SUN1: variants seen among roughly 807,000 people sequenced by gnomAD.
The protein encoded by SUN1 is SUN domain-containing protein 1.
In SUN1, 61 loss-of-function variants were observed where a neutral mutation model predicts 103.2. The ratio of observed to expected loss-of-function variants is 0.59; its 90% CI spans 0.48 to 0.73. The LOEUF is 0.73. Ranked by LOEUF, SUN1 falls within the 30% of genes least tolerant of loss-of-function variation. The probability of loss-of-function intolerance (pLI) is 0.00; values close to 1 mark genes in which losing one functional copy is unlikely to be tolerated. For synonymous variants in SUN1, 490 were observed against 425.7 expected (o/e 1.15, Z -1.86); for missense variants, 1,052 against 1,034.6 (o/e 1.02, Z -0.23).
At position 865,993 on chromosome 7, in the gene SUN1, A is replaced by G. The variant is rs201361158; in HGVS notation, c.1906A>G (p.Thr636Ala). 6.2e-7 allele frequency: 1 copy of G among 1,613,922 alleles called. No homozygotes were observed. The highest frequency in any genetic ancestry group is 8.5e-7 in the Non-Finnish European group (1 of 1,179,960). ...TACTCGCTGTTCTGAAACTTACGAA[A>G]CCAAAACGGCGCTGATGAGTCTGTT... ...LSTRCSETYE[T>A]KTALMSLFGI... Residue 636 changes from threonine to alanine, a missense_variant, in exon 16 of 19, where the codon ACC becomes GCC. Thr to Ala is a moderately conservative substitution (Grantham distance 58). Coordinates refer to ENST00000401592, the MANE Select transcript of SUN1 (RefSeq NM_001130965.3).
At chr7:844,246 C>T (rs1812974058) in intron 5 of SUN1, among the ~76,000 whole-genome samples, 1 of 152,208 alleles carries the variant, frequency 6.6e-6, no homozygotes, top group Non-Finnish European at 1.5e-5. Context: ...CCCAGGATCT[C>T]TCTCACCTGC....
chr7:860,021 T>G, intron 13 of SUN1, 107 bp from the exon 14 acceptor site: 2 of 1,377,278 alleles, frequency 1.5e-6, no homozygotes, highest in Non-Finnish European at 2.0e-6. Flanking sequence ...ACATTCTAGA[T>G]TTTGAGAGGA....
intron 1 of SUN1, among the ~76,000 whole-genome samples, chr7:823,948 A>T (rs142702412): frequency 6.6e-6 from 1 of 152,230 alleles, no homozygotes; most frequent in South Asian, 2.1e-4. Flanking sequence ...TACATGAATT[A>T]TTAATGGCTT....
rs1279863264 is a variant in SUN1 at position 853,459 on chromosome 7, G to A, written c.1104G>A (p.Gln368=). Residue 368 remains glutamine, a synonymous_variant, in exon 10 of 19, where the codon CAG becomes CAA. Coordinates refer to ENST00000401592, the MANE Select transcript of SUN1 (RefSeq NM_001130965.3). ...ATTGGATGAGTGGCGTGGAGCAGCA[G>A]GTGGCCTCTCTGTCTGGACAGTGCC... ...PWHWMSGVEQ[Q]VASLSGQCHH... is the part of the protein sequence containing the mutation. 6.2e-7 allele frequency: 1 copy of A among 1,614,070 alleles called. No individual in the cohort carries two copies. Among genetic ancestry groups the A allele is most frequent in the Non-Finnish European group, 8.5e-7 (1 of 1,180,048 alleles).
intron 2 of SUN1, 140 bp downstream of exon 2, chr7:839,126 C>T: frequency 1.2e-6 from 1 of 813,770 alleles, no homozygotes; most frequent in Non-Finnish European, 1.7e-6. Context: ...GACACACAAA[C>T]CTGTCATATA....
chr7:853,435 T>G lies in SUN1; in HGVS notation c.1080T>G (p.His360Gln). ...LQGDSEAFPW[H>Q]WMSGVEQQVA... ...GTGACAGTGAGGCTTTTCCGTGGCA[T>G]TGGATGAGTGGCGTGGAGCAGCAGG... The change falls in exon 10 of 19, where the codon CAT (histidine) becomes CAG (glutamine). Residue 360 changes from histidine (H) to glutamine (Q), a missense_variant. Coordinates refer to ENST00000401592, the MANE Select transcript of SUN1 (RefSeq NM_001130965.3). The G allele has an allele frequency of 6.2e-7, 1 of 1,613,948 alleles. No homozygotes were observed. Among genetic ancestry groups the G allele is most frequent in the Non-Finnish European group, 8.5e-7 (1 of 1,180,038 alleles).
intron 5 of SUN1, among the ~76,000 whole-genome samples, chr7:844,335 C>G (rs971602095): frequency 2.6e-5 from 4 of 152,210 alleles, no homozygotes; most frequent in African/African-American, 9.6e-5. Context: ...CCTTCGAGCT[C>G]ACGTTCTGCT....
At position 851,934 on chromosome 7, in the gene SUN1, G is replaced by T. The variant is rs1822599562; in HGVS notation, c.758-16G>T. 3 of 1,612,532 alleles carry T rather than the reference G, an allele frequency of 1.9e-6. No homozygotes were observed. The highest frequency in any genetic ancestry group is 2.5e-6 in the Non-Finnish European group (3 of 1,178,956). Reference sequence around the variant, plus strand: ...TAAAAACATTTCCTTAGAATGTTTGGTGTTTTCTCTTGTAGGGAAGGCAGC... The same window carrying T: ...TAAAAACATTTCCTTAGAATGTTTGTTGTTTTCTCTTGTAGGGAAGGCAGC... On this transcript the variant is annotated splice_polypyrimidine_tract_variant and intron_variant, in intron 6 of 18. Coordinates refer to ENST00000401592, the MANE Select transcript of SUN1 (RefSeq NM_001130965.3).
chr7:848,704 T>A, intron 5 of SUN1: 1 of 897,476 alleles, frequency 1.1e-6, no homozygotes, highest in Non-Finnish European at 1.5e-6. Flanking sequence ...GGCGCCTCCC[T>A]CGCTGCCTCC....
At chr7:818,478 G>A (rs898031180) in intron 1 of SUN1, among the ~76,000 whole-genome samples, 3 of 152,324 alleles carry the variant, frequency 2.0e-5, no homozygotes, top group Middle Eastern at 6.8e-3. Flanking sequence ...GTTGGCTAGT[G>A]TGAGTAATGC....
chr7:852,486 C>G, intron 7 of SUN1, 123 bp from the exon 8 acceptor site: 1 of 1,181,566 alleles, frequency 8.5e-7, no homozygotes, highest in Non-Finnish European at 1.2e-6. Flanking sequence ...TAGATAAAAC[C>G]GTAACTGCTT....
In SUN1 at chr7:832,608, G is replaced by A. The variant is rs1223524562; in HGVS notation, c.77+7G>A. On this transcript the variant is annotated splice_region_variant and intron_variant, in intron 1 of 18. Coordinates refer to ENST00000401592, the MANE Select transcript of SUN1 (RefSeq NM_001130965.3). ...GCTACACGTATGCGCTCAGGTGAGT[G>A]TGCACCTGCACGTGGGGTCCTGGCC... 6.2e-7 allele frequency: 1 copy of A among 1,607,914 alleles called. No homozygotes were observed. Among genetic ancestry groups the A allele is most frequent in the East Asian group, 2.2e-5 (1 of 44,696 alleles).
In SUN1 at chr7:819,192, C is replaced by CTT. The variant is rs57527104; in HGVS notation, c.-74+2533_-74+2534dup. ...TCTCCGTTTTTAAATTGGGTTGCCT[C>CTT]TTTTTTTTTTTTTTTGAGTTGTCAG... On this transcript the variant is annotated intron_variant, in intron 1 of 17. Coordinates refer to the SUN1 transcript ENST00000389574. 2.2e-3 allele frequency among the ~76,000 whole-genome samples: 302 copies of CTT among 138,740 alleles called. 3 individuals carry two copies. The highest frequency in any genetic ancestry group is 5.5e-3 in the African/African-American group (205 of 37,508). The allele number at this position is 138,740 out of a possible 152,430, so 91.0% of individuals were successfully genotyped here.
At chr7:849,472 G>C (rs2128358776) in intron 5 of SUN1, 2 of 1,308,742 alleles carry the variant, frequency 1.5e-6, no homozygotes, top group South Asian at 1.2e-5. Flanking sequence ...AGAAGCACTT[G>C]AGCTTGGCGT....
chr7:869,475 A>G lies in SUN1; in HGVS notation c.2107A>G (p.Thr703Ala). 6.2e-7 allele frequency: 1 copy of G among 1,613,860 alleles called. No homozygotes were observed. The highest frequency in any genetic ancestry group is 8.5e-7 in the Non-Finnish European group (1 of 1,179,840). Reference protein sequence around the residue: ...LEHIPKTLSPTGNISSAPKDF... With the variant: ...LEHIPKTLSPAGNISSAPKDF... ...GCACATCCCTAAGACGCTGTCGCCA[A>G]CAGGCAACATCAGCAGCGCCCCCAA... Residue 703 changes from threonine (T) to alanine (A), a missense_variant, in exon 17 of 19, where the codon ACA (threonine) becomes GCA (alanine). By Grantham distance (58) the Thr-to-Ala change is moderately conservative (BLOSUM62 0). Coordinates refer to ENST00000401592, the MANE Select transcript of SUN1 (RefSeq NM_001130965.3).
rs1781716404 is a variant in SUN1, at chr7:817,375, C to T, written c.-74+702C>T. The T allele has an allele frequency of 3.9e-6, 6 of 1,527,174 alleles. No individual in the cohort carries two copies. The Admixed American group carries it at 1.2e-4, about 30-fold the overall frequency. The allele number at this position is 1,527,174 out of a possible 1,614,324, so 94.6% of individuals were successfully genotyped here. A position where few individuals can be genotyped will look rare whatever the true frequency, so the allele number is the denominator to read the frequency against. Reference sequence around the variant, plus strand: ...GGAGGCGCGCGCGTGGTCTCCGCGCCCTGTTGCGCCTTCAAAGTGCCCAGA... The same window carrying T: ...GGAGGCGCGCGCGTGGTCTCCGCGCTCTGTTGCGCCTTCAAAGTGCCCAGA... On this transcript the variant is annotated intron_variant, in intron 1 of 17. Coordinates refer to the SUN1 transcript ENST00000389574.
At chr7:860,444 C>T in intron 14 of SUN1, 62 bp downstream of exon 14, 1 of 1,585,886 alleles carries the variant, frequency 6.3e-7, no homozygotes, top group Non-Finnish European at 8.6e-7. Flanking sequence ...GACTGAAGAC[C>T]TAGCTGTGAG....
chr7:859,274 G>A (rs1164018663), intron 13 of SUN1, among the ~76,000 whole-genome samples: 3 of 152,216 alleles, frequency 2.0e-5, no homozygotes, highest in Non-Finnish European at 2.9e-5. Flanking sequence ...CCACGAGGAC[G>A]ATGGCTGCTA....
At chr7:817,776 T>G (rs1319059274) in intron 1 of SUN1, among the ~76,000 whole-genome samples, 1 of 152,222 alleles carries the variant, frequency 6.6e-6, no homozygotes, top group South Asian at 2.1e-4. Context: ...TTGAAGCCTT[T>G]AGTTTTCTCA....
Sources: gnomAD v4.1 joint callset for allele counts (sites outside exome capture counted in the v4.1 genomes callset) on GRCh38, gnomAD v4.1.1 for gene constraint, MANE v1.5 for transcripts, NCBI Gene and HGNC (gene_info 2026-07-23, HGNC 2026-07-21) for gene names.